SLC39A3: variants seen among roughly 807,000 people sequenced by gnomAD.
The protein encoded by SLC39A3 is solute carrier family 39 member 3.
A neutral mutation model predicts 5.1 loss-of-function variants in SLC39A3; 3 were observed. The observed-to-expected ratio is 0.59, with a 90% CI of 0.27 to 1.54. SLC39A3 has a LOEUF of 1.54. Among genes scored for constraint, SLC39A3 ranks in the 40% most tolerant of loss-of-function variants. SLC39A3 has a pLI of 0.12. For synonymous variants in SLC39A3, 250 were observed against 218.8 expected, an observed-to-expected ratio of 1.14 and a Z score of -1.26; for missense variants, 412 against 436.4, an observed-to-expected ratio of 0.94 and a Z score of 0.50.
Position 2,733,289 on chromosome 19 carries a change from G to A in SLC39A3, c.407C>T (p.Pro136Leu). Residue 136 changes from proline to leucine, a missense_variant, in exon 3 of 3, where the codon CCC becomes CTC. Coordinates refer to ENST00000269740, the MANE Select transcript of SLC39A3 (RefSeq NM_144564.5). The surrounding 1 kb of genome is among the most constrained non-coding windows in gnomAD (Gnocchi z 6.1). ...GTGGCCCCGCGCGCCCCCCATGAAG[G>A]GGCTCTCATACTCCGAGTCGCTGCC... ...DVGSDSEYES[P>L]FMGGARGHAL... 6.2e-7 allele frequency: 1 copy of A among 1,612,886 alleles called. No individual in the cohort carries two copies. Among genetic ancestry groups the A allele is most frequent in the Middle Eastern group, 1.6e-4 (1 of 6,062 alleles).
At position 2,732,853 on chromosome 19, in the gene SLC39A3, G is replaced by A. The variant is rs1336127966; in HGVS notation, c.843C>T (p.Ile281=). 1 of 1,612,042 alleles carries A rather than the reference G, an allele frequency of 6.2e-7. No homozygotes were observed. Among genetic ancestry groups the A allele is most frequent in the African/African-American group, 1.3e-5 (1 of 74,994 alleles). Residue 281 remains isoleucine (I), a synonymous_variant, in exon 3 of 3, where the codon ATC becomes ATT. Coordinates refer to ENST00000269740, the MANE Select transcript of SLC39A3 (RefSeq NM_144564.5). ...TCTTCTCCTCCAGCTCCTTGGCCAG[G>A]ATCTCCAGGAAGGTGATGAAGAGGA... ...GTFLFITFLE[I]LAKELEEKSD... is the part of the protein sequence containing the mutation.
chr19:2,739,099 C>CAAAAA lies in SLC39A3; in HGVS notation c.-123+841_-123+845dup, dbSNP rs76854834. On this transcript the variant is annotated intron_variant, in intron 1 of 2. Transcript: ENST00000269740. ...TGGGCTGCAGAGCAAGACTCCGTCTCAAAAAAAAAAAAAAAAAAAAAAAAA... is the reference window on the plus strand; with the variant it reads ...TGGGCTGCAGAGCAAGACTCCGTCTCAAAAAAAAAAAAAAAAAAAAAAAAAAAAAA... Among the ~76,000 whole-genome samples the CAAAAA allele has an allele frequency of 2.3e-4, 7 of 30,326 alleles. 1 individual carries two copies. The highest frequency in any genetic ancestry group is 5.2e-4 in the African/African-American group (4 of 7,692). 19.9% of individuals were successfully genotyped at this position (30,326 alleles called of 152,430 possible).
At chr19:2,737,556 C>T (rs941449005) in intron 1 of SLC39A3, 177 bp from the exon 2 acceptor site, 2 of 364,734 alleles carry the variant, frequency 5.5e-6, no homozygotes, top group African/African-American at 4.2e-5. Flanking sequence ...CAGACACGCG[C>T]CACCACTCCC....
In SLC39A3 at chr19:2,733,281, C is replaced by A; in HGVS notation, c.415G>T (p.Gly139Trp). ...SDSEYESPFMGGARGHALYVE... is the reference protein window; with the variant it reads ...SDSEYESPFMWGARGHALYVE... ...TACAGCGCGTGGCCCCGCGCGCCCC[C>A]CATGAAGGGGCTCTCATACTCCGAG... The change falls in exon 3 of 3, where the codon GGG becomes TGG. Residue 139 changes from glycine (G) to tryptophan (W), a missense_variant. By Grantham distance (184) the Gly-to-Trp change is radical (BLOSUM62 -2). Transcript: ENST00000269740. The surrounding 1 kb of genome is among the most constrained non-coding windows in gnomAD (Gnocchi z 6.1). 1 of 1,612,838 alleles carries A rather than the reference C, an allele frequency of 6.2e-7. No individual in the cohort carries two copies.
chr19:2,736,242 A>T, intron 2 of SLC39A3: 1 of 972,628 alleles, frequency 1.0e-6, no homozygotes. Flanking sequence ...ATACCCTGTG[A>T]GGTCCTGGCC....
intron 1 of SLC39A3, among the ~76,000 whole-genome samples, chr19:2,738,721 G>A (rs1211303676): frequency 6.6e-6 from 1 of 152,038 alleles, no homozygotes; most frequent in Non-Finnish European, 1.5e-5. Flanking sequence ...ACCAGCACCT[G>A]AGGTCGAGAG....
chr19:2,738,056 G>T (rs369168523), intron 1 of SLC39A3, among the ~76,000 whole-genome samples: 1 of 151,420 alleles, frequency 6.6e-6, no homozygotes, highest in African/African-American at 2.4e-5. Context: ...AAAATTAGCC[G>T]GCCGTGGTGG....
At position 2,739,266 on chromosome 19, in the gene SLC39A3, C is replaced by T. The variant is rs1217260919; in HGVS notation, c.-123+679G>A. Among the ~76,000 whole-genome samples, 5 of 152,092 alleles carry T rather than the reference C, an allele frequency of 3.3e-5. No individual in the cohort carries two copies. In the East Asian group the frequency reaches 5.8e-4, roughly 18 times the overall value. The stretch of plus-strand genomic sequence containing the variant: ...GAAGCGTGTGGCCACTGATAAGGGC[C>T]GCATTTTACCTGATGCAATGGGCCA... On this transcript the variant is annotated intron_variant, in intron 1 of 2. Coordinates refer to ENST00000269740, the MANE Select transcript of SLC39A3 (RefSeq NM_144564.5).
At position 2,735,948 on chromosome 19, in the gene SLC39A3, T is replaced by G. The variant is rs1190475949; in HGVS notation, c.210+1100A>C. Reference sequence around the variant, plus strand: ...GGGATAAGCTTAGGGCTTCCATGCTTTCGTTGGGAGGAAGAACAGGGGGTC... The same window carrying G: ...GGGATAAGCTTAGGGCTTCCATGCTGTCGTTGGGAGGAAGAACAGGGGGTC... On this transcript the variant is annotated intron_variant, in intron 2 of 2. Transcript: ENST00000269740. The surrounding 1 kb of genome is among the most constrained non-coding windows in gnomAD (Gnocchi z 5.7). 2 of 985,302 alleles carry G rather than the reference T, an allele frequency of 2.0e-6. No homozygotes were observed. Among genetic ancestry groups the G allele is most frequent in the Non-Finnish European group, 2.4e-6 (2 of 829,972 alleles). 61.0% of individuals were successfully genotyped at this position (985,302 alleles called of 1,614,324 possible).
At position 2,739,099 on chromosome 19, in the gene SLC39A3, CAAAAAAAAAAAAAAA is replaced by C. The variant is rs76854834; in HGVS notation, c.-123+831_-123+845del. 9.9e-5 allele frequency among the ~76,000 whole-genome samples: 3 copies of C among 30,332 alleles called. 1 individual carries two copies. The highest frequency in any genetic ancestry group is 3.9e-4 in the African/African-American group (3 of 7,694). 19.9% of individuals were successfully genotyped at this position (30,332 alleles called of 152,430 possible). ...TGGGCTGCAGAGCAAGACTCCGTCTCAAAAAAAAAAAAAAAAAAAAAAAAAGGGCCTCCCTCTCTG... is the reference window on the plus strand; with the variant it reads ...TGGGCTGCAGAGCAAGACTCCGTCTCAAAAAAAAAAGGGCCTCCCTCTCTG... On this transcript the variant is annotated intron_variant, in intron 1 of 2. Transcript: ENST00000269740.
chr19:2,736,663 G>T, intron 2 of SLC39A3: 1 of 1,202,344 alleles, frequency 8.3e-7, no homozygotes, highest in Non-Finnish European at 1.1e-6. Context: ...GATGATAAAC[G>T]TCTGTAGTCC....
At chr19:2,738,769 T>C (rs112030161) in intron 1 of SLC39A3, among the ~76,000 whole-genome samples, 2,161 of 152,006 alleles carry the variant, frequency 0.014, 47 homozygotes, top group African/African-American at 0.049. Flanking sequence ...AAACACTGTC[T>C]CTACTAAAAA....
At chr19:2,736,341 A>C in intron 2 of SLC39A3, 1 of 244,958 alleles carries the variant, frequency 4.1e-6, no homozygotes, top group Non-Finnish European at 6.6e-6. Flanking sequence ...TCTGCATGAC[A>C]TGGGACTGTG....
intron 1 of SLC39A3, among the ~76,000 whole-genome samples, 185 bp downstream of exon 1, chr19:2,739,760 G>A (rs191640871): frequency 2.8e-4 from 43 of 152,322 alleles, no homozygotes; most frequent in African/African-American, 1.0e-3. Context: ...GGCTGCTCGG[G>A]CCGGGATGAG....
In SLC39A3 at chr19:2,733,090, C is replaced by G; in HGVS notation, c.606G>C (p.Val202=). Residue 202 remains valine, a synonymous_variant, in exon 3 of 3, where the codon GTG becomes GTC. Coordinates refer to ENST00000269740, the MANE Select transcript of SLC39A3 (RefSeq NM_144564.5). The surrounding 1 kb of genome is among the most constrained non-coding windows in gnomAD (Gnocchi z 6.1). ...EEGEKVVSLF[V]GVAVHETLVA... ...CCAGTGTCTCGTGGACGGCCACCCC[C>G]ACGAACAGGCTCACCACTTTCTCCC... 1.9e-6 allele frequency: 3 copies of G among 1,611,036 alleles called. No individual in the cohort carries two copies. Among genetic ancestry groups the G allele is most frequent in the Non-Finnish European group, 2.5e-6 (3 of 1,179,142 alleles).
rs1310131593 is a variant in SLC39A3 at position 2,737,058 on chromosome 19, A to C, written c.200T>G (p.Val67Gly). ...CCAGGGAGCCCTTACCTTTTCCCTC[A>C]CAGCGGGCAGCAGAGCGTTGAAGCA... ...ATCFNALLPA[V>G]REKLQKVLSL... Residue 67 changes from valine (V) to glycine (G), a missense_variant, in exon 2 of 3, where the codon GTG (valine) becomes GGG (glycine). Coordinates refer to ENST00000269740, the MANE Select transcript of SLC39A3 (RefSeq NM_144564.5). 7.4e-6 allele frequency: 12 copies of C among 1,613,934 alleles called. No individual in the cohort carries two copies. Among genetic ancestry groups the C allele is most frequent in the Non-Finnish European group, 9.3e-6 (11 of 1,180,028 alleles).
rs1418475757 is a variant in SLC39A3, at chr19:2,733,183, G to A, written c.513C>T (p.Leu171=). ...GLSRASPVRL[L]SLAFALSAHS... ...GGGCCGACAGCGCGAAGGCCAGGCT[G>A]AGCAGGCGCACGGGGCTGGCGCGCG... The change falls in exon 3 of 3, where the codon CTC becomes CTT. Residue 171 remains leucine (L), a synonymous_variant. Coordinates refer to ENST00000269740, the MANE Select transcript of SLC39A3 (RefSeq NM_144564.5). The surrounding 1 kb of genome is among the most constrained non-coding windows in gnomAD (Gnocchi z 6.1). 5 of 1,608,670 alleles carry A rather than the reference G, an allele frequency of 3.1e-6. No individual in the cohort carries two copies. In the African/African-American group the frequency reaches 5.3e-5, roughly 17 times the overall value.
Position 2,736,220 on chromosome 19 carries a change from C to T in SLC39A3, c.210+828G>A, listed in dbSNP as rs1914362496. ...CCAAGATGGCCCCAGAAGCCCCTGC[C>T]TCTTGACAGCCATACCCTGTGAGGT... On this transcript the variant is annotated intron_variant, in intron 2 of 2. Transcript: ENST00000269740. 29 of 984,334 alleles carry T rather than the reference C, an allele frequency of 2.9e-5. No individual in the cohort carries two copies. In the South Asian group the frequency reaches 1.2e-3, roughly 40 times the overall value. 61.0% of individuals were successfully genotyped at this position (984,334 alleles called of 1,614,324 possible).
chr19:2,738,313 C>T (rs544680839), intron 1 of SLC39A3, among the ~76,000 whole-genome samples: 4 of 152,036 alleles, frequency 2.6e-5, no homozygotes, highest in Non-Finnish European at 4.4e-5. Context: ...CTGTGGTTAC[C>T]GTATTTGACA....
Sources: allele counts gnomAD v4.1 joint callset (sites outside exome capture counted in the v4.1 genomes callset), GRCh38; gene constraint gnomAD v4.1.1; non-coding constraint Gnocchi (gnomAD v3.1); transcripts MANE v1.5; gene names NCBI Gene and HGNC (gene_info 2026-07-23, HGNC 2026-07-21).